The following IL7 variants were observed in gnomAD, a reference collection of about 807,000 sequenced individuals.
IL7 encodes the protein interleukin 7.
Under a neutral mutation model 21.6 loss-of-function variants are expected in IL7, and 3 were observed. That is an observed-to-expected ratio of 0.14 (90% CI 0.06 to 0.36). The LOEUF (loss-of-function observed/expected upper bound fraction) is 0.36. IL7 is among the 10% of genes least tolerant of loss of function. The pLI is 1.00. For synonymous variants in IL7, 62 were observed against 68.1 expected (o/e 0.91, Z 0.44); for missense variants, 175 against 200.2 (o/e 0.87, Z 0.76).
chr8:78,719,299 C>T (rs1319717191), intron 5 of IL7: 3 of 151,654 alleles, frequency 2.0e-5, no homozygotes, highest in African/African-American at 7.2e-5. Context: ...AATTGGCACA[C>T]ATTTGTTTCT....
intron 2 of IL7, among the ~76,000 whole-genome samples, chr8:78,745,996 A>G (rs767772464): frequency 6.6e-6 from 1 of 152,184 alleles, no homozygotes; most frequent in Non-Finnish European, 1.5e-5. Context: ...AACTTGTGAT[A>G]GCATTTAGGG....
intron 5 of IL7, chr8:78,719,235 T>A (rs200373297): frequency 6.0e-5 from 1 of 16,684 alleles, no homozygotes. Flanking sequence ...TTGTCAAGTA[T>A]TTTTTTAAGA....
chr8:78,679,808 A>T (rs1809709595), intron 4 of IL7, among the ~76,000 whole-genome samples: 1 of 152,208 alleles, frequency 6.6e-6, no homozygotes, highest in Non-Finnish European at 1.5e-5. Context: ...GAAAAATTAG[A>T]TGTTCATTTT....
At chr8:78,791,630 A>G (rs1327954335) in intron 2 of IL7, among the ~76,000 whole-genome samples, 1 of 152,096 alleles carries the variant, frequency 6.6e-6, no homozygotes, top group African/African-American at 2.4e-5. Flanking sequence ...ATGGAGTGAG[A>G]CTCTGTCTCT....
intron 2 of IL7, among the ~76,000 whole-genome samples, chr8:78,751,310 C>T (rs970616086): frequency 2.0e-5 from 3 of 152,106 alleles, no homozygotes; most frequent in African/African-American, 7.2e-5. Context: ...AAATTCACCA[C>T]AGAAATCATG....
chr8:78,773,300 A>C (rs148885094), intron 2 of IL7, among the ~76,000 whole-genome samples: 1 of 152,244 alleles, frequency 6.6e-6, no homozygotes, highest in African/African-American at 2.4e-5. Context: ...AAACCCACAC[A>C]GACACGGGGA....
chr8:78,782,418 T>C (rs181385011), intron 2 of IL7, among the ~76,000 whole-genome samples: 1 of 152,238 alleles, frequency 6.6e-6, no homozygotes, highest in Admixed American at 6.5e-5. Flanking sequence ...GTTGATGCTG[T>C]TGTTGTTGTT....
rs200872378 is a variant in IL7, at chr8:78,689,363, G to A, written n.215-3416C>T. ...GATACCAAAGGAAAACCAACTTCTC[G>A]GACACAGGTGGTAAGTTCAGTTTTA... is the stretch of plus-strand genomic sequence containing the variant. On this transcript the variant is annotated intron_variant and non_coding_transcript_variant, in intron 3 of 4. Coordinates refer to the IL7 transcript ENST00000523959. The A allele has an allele frequency of 1.0e-4, 162 of 1,586,364 alleles. No individual in the cohort carries two copies. The highest frequency in any genetic ancestry group is 7.7e-5 in the Non-Finnish European group (90 of 1,167,726).
At chr8:78,690,374 C>T (rs570159325) in intron 3 of IL7, among the ~76,000 whole-genome samples, 1 of 152,232 alleles carries the variant, frequency 6.6e-6, no homozygotes, top group African/African-American at 2.4e-5. Flanking sequence ...TCCTGGCTAA[C>T]ACGGTGAAAC....
At chr8:78,694,956 A>G (rs1394662205) in intron 3 of IL7, among the ~76,000 whole-genome samples, 1 of 152,202 alleles carries the variant, frequency 6.6e-6, no homozygotes, top group Non-Finnish European at 1.5e-5. Flanking sequence ...ATAATAGCAC[A>G]CAAAACCGTT....
intron 2 of IL7, chr8:78,747,204 T>C: frequency 5.3e-6 from 2 of 380,738 alleles, no homozygotes; most frequent in South Asian, 4.0e-5. Context: ...TTTTTTTTTT[T>C]TTTTTGAGAT....
intron 3 of IL7, chr8:78,723,837 G>C (rs1811292426): frequency 4.3e-6 from 1 of 230,420 alleles, no homozygotes; most frequent in Non-Finnish European, 9.8e-6. Context: ...TGTTTCAAGA[G>C]GTCCTGCCAG....
At chr8:78,740,298 C>G (rs1392760076) in intron 2 of IL7, among the ~76,000 whole-genome samples, 2 of 152,130 alleles carry the variant, frequency 1.3e-5, no homozygotes, top group Non-Finnish European at 2.9e-5. Flanking sequence ...TTTAGAGCCC[C>G]TCCCAGATCC....
chr8:78,744,592 C>CT (rs1344633206), intron 2 of IL7, among the ~76,000 whole-genome samples: 1 of 152,180 alleles, frequency 6.6e-6, no homozygotes, highest in African/African-American at 2.4e-5. Flanking sequence ...GAAGTAGGGC[C>CT]TACAGACCAT....
intron 1 of IL7, among the ~76,000 whole-genome samples, chr8:78,801,711 C>T (rs1224379599): frequency 3.3e-5 from 5 of 152,200 alleles, no homozygotes; most frequent in Non-Finnish European, 1.5e-5. Context: ...TTTCATCTTG[C>T]AGACACCTTA....
chr8:78,795,376 G>C (rs2130838817), intron 2 of IL7, among the ~76,000 whole-genome samples: 1 of 152,110 alleles, frequency 6.6e-6, no homozygotes, highest in African/African-American at 2.4e-5. Context: ...ACATTCTTAA[G>C]GTTACTATGG....
chr8:78,684,445 C>T (rs886938281), intron 4 of IL7, among the ~76,000 whole-genome samples: 3 of 152,112 alleles, frequency 2.0e-5, no homozygotes, highest in African/African-American at 7.2e-5. Flanking sequence ...GAGAAACCTG[C>T]CCCCGTGATT....
At chr8:78,683,760 C>A (rs1016392400) in intron 4 of IL7, among the ~76,000 whole-genome samples, 1 of 152,194 alleles carries the variant, frequency 6.6e-6, no homozygotes, top group Non-Finnish European at 1.5e-5. Context: ...TCTGTTACAT[C>A]ATTAGGCTGC....
chr8:78,787,851 G>T (rs1040421565), intron 2 of IL7, among the ~76,000 whole-genome samples: 1 of 152,020 alleles, frequency 6.6e-6, no homozygotes, highest in Non-Finnish European at 1.5e-5. Context: ...CCATGAACAG[G>T]GTGGCTTAAA....
Sources: gnomAD v4.1 joint callset for allele counts (sites outside exome capture counted in the v4.1 genomes callset) on GRCh38, gnomAD v4.1.1 for gene constraint, MANE v1.5 for transcripts, NCBI Gene and HGNC (gene_info 2026-07-23, HGNC 2026-07-21) for gene names.